Variants in RAB3IP observed in about 807,000 individuals in gnomAD.
RAB3IP encodes RAB3A interacting protein, also known as rab-3A-interacting protein.
RAB3IP carries 36 observed loss-of-function variants against 59.1 expected under a neutral mutation model. The observed-to-expected ratio is 0.61, with a 90% CI of 0.47 to 0.80. The LOEUF (loss-of-function observed/expected upper bound fraction) is 0.80. Among genes scored for constraint, RAB3IP ranks in the 30% least tolerant of loss-of-function variants. The pLI, the probability that RAB3IP is intolerant of heterozygous loss-of-function variation, is 0.00. For synonymous variants in RAB3IP, 207 were observed against 191.2 expected (o/e 1.08, Z -0.68); for missense variants, 511 against 536.0 (o/e 0.95, Z 0.46).
intron 6 of RAB3IP, chr12:69,795,951 C>G (rs1877370193): frequency 6.5e-6 from 1 of 152,672 alleles, no homozygotes; most frequent in South Asian, 2.1e-4. Context: ...TATTCAGACA[C>G]TTACAACTAT....
In RAB3IP at chr12:69,821,432, C is replaced by T. The variant is rs1031172809; in HGVS notation, c.*5986C>T. Reference sequence around the variant, plus strand: ...TCCACTTAAATCCTATTTCCAGCAGCTGGATTGTGCTCTCAGTGGAGTGCT... The same window carrying T: ...TCCACTTAAATCCTATTTCCAGCAGTTGGATTGTGCTCTCAGTGGAGTGCT... On this transcript the variant is annotated 3_prime_UTR_variant, in exon 11 of 11. Transcript: ENST00000247833. The T allele has an allele frequency of 1.3e-5, 2 of 152,172 alleles. No homozygotes were observed. Among genetic ancestry groups the T allele is most frequent in the African/African-American group, 2.4e-5 (1 of 41,438 alleles). The allele number at this position is 152,172 out of a possible 1,614,324, so 9.4% of individuals were successfully genotyped here. A position where few individuals can be genotyped will look rare whatever the true frequency, so the allele number is the denominator to read the frequency against.
chr12:69,747,756 G>C (rs1157999590), intron 1 of RAB3IP, among the ~76,000 whole-genome samples: 3 of 152,132 alleles, frequency 2.0e-5, no homozygotes, highest in Admixed American at 1.3e-4. Flanking sequence ...TTTTCTTCTA[G>C]TAGACAAGTA....
chr12:69,769,782 G>A (rs1872805486), intron 3 of RAB3IP, among the ~76,000 whole-genome samples: 1 of 152,168 alleles, frequency 6.6e-6, no homozygotes, highest in Non-Finnish European at 1.5e-5. Flanking sequence ...GTATTTTATG[G>A]TGATGTTTCA....
chr12:69,783,483 T>C (rs1565901584), intron 3 of RAB3IP, among the ~76,000 whole-genome samples: 2 of 152,288 alleles, frequency 1.3e-5, no homozygotes, highest in East Asian at 1.9e-4. Context: ...CGAGTTTTTT[T>C]CCCCTTAGGG....
At chr12:69,760,734 T>G (rs554615916) in intron 3 of RAB3IP, among the ~76,000 whole-genome samples, 2 of 152,314 alleles carry the variant, frequency 1.3e-5, no homozygotes, top group South Asian at 4.1e-4. Context: ...TTCAGTGTTT[T>G]CAAGCATGTA....
intron 6 of RAB3IP, among the ~76,000 whole-genome samples, chr12:69,799,458 G>A (rs1878033122): frequency 6.6e-6 from 1 of 152,180 alleles, no homozygotes; most frequent in African/African-American, 2.4e-5. Flanking sequence ...TTAGGGAGGT[G>A]AGAAAGAGAG....
intron 1 of RAB3IP, among the ~76,000 whole-genome samples, chr12:69,741,735 TCAGA>T (rs1466199555): frequency 2.6e-5 from 4 of 152,224 alleles, no homozygotes; most frequent in South Asian, 2.1e-4. Flanking sequence ...AGATTAGATG[TCAGA>T]CAGTTTGTCT....
chr12:69,796,425 A>G (rs1877447182), intron 6 of RAB3IP: 2 of 380,488 alleles, frequency 5.3e-6, no homozygotes, highest in Non-Finnish European at 9.3e-6. Flanking sequence ...GTGAGAATGC[A>G]TTTCTAAGAG....
At chr12:69,803,322 T>C (rs1295984512) in intron 8 of RAB3IP, among the ~76,000 whole-genome samples, 2 of 152,104 alleles carry the variant, frequency 1.3e-5, no homozygotes, top group African/African-American at 4.8e-5. Flanking sequence ...TGTCTTCCTT[T>C]ATGAAATGTG....
At chr12:69,780,034 C>T (rs1305424380) in intron 3 of RAB3IP, among the ~76,000 whole-genome samples, 1 of 152,186 alleles carries the variant, frequency 6.6e-6, no homozygotes, top group Non-Finnish European at 1.5e-5. Flanking sequence ...GTGACTGCTG[C>T]AGCCATTTCA....
chr12:69,756,536 G>A lies in RAB3IP; in HGVS notation c.383G>A (p.Cys128Tyr). 22 of 1,614,144 alleles carry A rather than the reference G, an allele frequency of 1.4e-5. No homozygotes were observed. Among genetic ancestry groups the A allele is most frequent in the Non-Finnish European group, 1.6e-5 (19 of 1,180,016 alleles). ...FLQGATITEA[C>Y]DGSDDIFGLS... Reference sequence around the variant, plus strand: ...CAGGGTGCTACTATAACAGAGGCTTGCGATGGCAGTGATGATATTTTTGGG... The same window carrying A: ...CAGGGTGCTACTATAACAGAGGCTTACGATGGCAGTGATGATATTTTTGGG... Residue 128 changes from cysteine (C) to tyrosine (Y), a missense_variant, in exon 3 of 11, where the codon TGC (cysteine) becomes TAC (tyrosine). Transcript: ENST00000247833.
chr12:69,769,127 C>G (rs74101325), intron 3 of RAB3IP, among the ~76,000 whole-genome samples: 2,475 of 152,192 alleles, frequency 0.016, 71 homozygotes, highest in African/African-American at 0.056. Flanking sequence ...CGCCTTCTGC[C>G]GTGATTGTAA....
intron 3 of RAB3IP, among the ~76,000 whole-genome samples, chr12:69,765,113 T>G (rs1871977623): frequency 6.6e-6 from 1 of 152,208 alleles, no homozygotes; most frequent in Non-Finnish European, 1.5e-5. Flanking sequence ...TTTCTTTTCA[T>G]GTTTGGTTGC....
intron 1 of RAB3IP, among the ~76,000 whole-genome samples, chr12:69,745,419 A>T (rs1002461230): frequency 1.3e-5 from 2 of 148,452 alleles, no homozygotes; most frequent in African/African-American, 2.4e-5. Context: ...GTTTATTTTG[A>T]TTTATGTGCT....
At chr12:69,758,395 G>A (rs1415393464) in intron 3 of RAB3IP, among the ~76,000 whole-genome samples, 1 of 151,758 alleles carries the variant, frequency 6.6e-6, no homozygotes, top group Non-Finnish European at 1.5e-5. Flanking sequence ...TTTCCCTTTT[G>A]TATCCTTTCT....
chr12:69,786,084 G>C (rs1447015959), intron 4 of RAB3IP, among the ~76,000 whole-genome samples: 1 of 152,082 alleles, frequency 6.6e-6, no homozygotes, highest in Non-Finnish European at 1.5e-5. Flanking sequence ...TGGGGGGGTG[G>C]AAATTCCATC....
At chr12:69,786,324 T>G (rs1287369729) in intron 4 of RAB3IP, among the ~76,000 whole-genome samples, 1 of 152,198 alleles carries the variant, frequency 6.6e-6, no homozygotes, top group Admixed American at 6.5e-5. Flanking sequence ...TTTCCATGCC[T>G]TCTCTGCTCC....
At chr12:69,802,453 C>T (rs1878547495) in intron 8 of RAB3IP, among the ~76,000 whole-genome samples, 2 of 152,160 alleles carry the variant, frequency 1.3e-5, no homozygotes, top group Non-Finnish European at 2.9e-5. Flanking sequence ...TCCATCCAGT[C>T]CTATAAGGAG....
chr12:69,752,890 T>C (rs1299329638), intron 1 of RAB3IP, among the ~76,000 whole-genome samples: 1 of 152,234 alleles, frequency 6.6e-6, no homozygotes, highest in African/African-American at 2.4e-5. Context: ...GTTTTCTTGG[T>C]ATATGTGGGT....
Sources: gnomAD v4.1 joint callset for allele counts (sites outside exome capture counted in the v4.1 genomes callset) on GRCh38, gnomAD v4.1.1 for gene constraint, MANE v1.5 for transcripts, NCBI Gene and HGNC (gene_info 2026-07-23, HGNC 2026-07-21) for gene names.